Variants in CLEC12A observed in about 807,000 individuals in gnomAD.
CLEC12A encodes the protein C-type lectin domain family 12 member A, also known as C-type lectin protein CLL-1.
CLEC12A carries 22 observed loss-of-function variants against 26.5 expected under a neutral mutation model. The observed-to-expected ratio is 0.83, with a 90% CI of 0.59 to 1.19. The LOEUF is 1.19. Ranked by LOEUF, CLEC12A falls within the 50% of genes most tolerant of loss-of-function variation. The pLI is 0.00. For synonymous variants in CLEC12A, 119 were observed against 101.9 expected (o/e 1.17, Z -1.01); for missense variants, 353 against 315.6 (o/e 1.12, Z -0.90).
chr12:9,982,160 G>C, intron 5 of CLEC12A, 31 bp downstream of exon 5: 2 of 1,253,174 alleles, frequency 1.6e-6, no homozygotes, highest in Non-Finnish European at 2.3e-6. Context: ...GAATTTTATA[G>C]CTGGGTTTGA....
downstream of CLEC12A, chr12:9,996,785 G>T (rs550256768): frequency 8.6e-4 from 1,322 of 1,545,146 alleles, 1 homozygote; most frequent in Non-Finnish European, 1.1e-3. Context: ...AAAAGGTCAA[G>T]TGTTACATTT....
chr12:9,951,379 G>C, intron 1 of CLEC12A: 1 of 702,882 alleles, frequency 1.4e-6, no homozygotes, highest in South Asian at 1.5e-5. Flanking sequence ...TGTGGATACC[G>C]ACAGTGGGAA....
At chr12:9,998,429 TA>T (rs772997197), downstream of CLEC12A, 108 of 1,433,356 alleles carry the variant, frequency 7.5e-5, no homozygotes, top group Non-Finnish European at 8.6e-5. Context: ...ATGGGTTAGC[TA>T]TGGGGAAGGC....
At chr12:9,981,167 G>A (rs1864542685) in intron 4 of CLEC12A, among the ~76,000 whole-genome samples, 1 of 152,144 alleles carries the variant, frequency 6.6e-6, no homozygotes, top group Non-Finnish European at 1.5e-5. Context: ...GCAAGTTATA[G>A]TAGGTTAGCA....
At chr12:9,958,344 G>A (rs754677466) in intron 1 of CLEC12A, among the ~76,000 whole-genome samples, 10 of 152,328 alleles carry the variant, frequency 6.6e-5, no homozygotes, top group Middle Eastern at 3.4e-3. Context: ...CAAAAGAACA[G>A]CCTACTTGGT....
chr12:9,980,369 T>G (rs4764149), intron 3 of CLEC12A, among the ~76,000 whole-genome samples: 1 of 145,060 alleles, frequency 6.9e-6, no homozygotes, highest in Non-Finnish European at 1.5e-5. Context: ...ATCCAGGAGG[T>G]GGAGGCTGCT....
chr12:9,955,308 T>G (rs1188077500), intron 1 of CLEC12A, among the ~76,000 whole-genome samples: 1 of 152,122 alleles, frequency 6.6e-6, no homozygotes, highest in African/African-American at 2.4e-5. Context: ...AGGATGGTCT[T>G]GATCTCCTGA....
At chr12:9,984,645 A>G (rs1056404891) in intron 5 of CLEC12A, among the ~76,000 whole-genome samples, 2 of 152,230 alleles carry the variant, frequency 1.3e-5, no homozygotes, top group Non-Finnish European at 2.9e-5. Context: ...CAGATGTTAG[A>G]AAGTGGAAAA....
chr12:9,984,737 C>T, intron 5 of CLEC12A, 133 bp from the exon 6 acceptor site: 1 of 778,054 alleles, frequency 1.3e-6, no homozygotes, highest in Non-Finnish European at 1.8e-6. Flanking sequence ...ATACTCTGAA[C>T]ATTAAATTAG....
intron 1 of CLEC12A, among the ~76,000 whole-genome samples, chr12:9,962,795 G>C (rs1863858888): frequency 6.6e-6 from 1 of 152,206 alleles, no homozygotes; most frequent in Non-Finnish European, 1.5e-5. Context: ...ATGTGTATGT[G>C]CAGGTCACAG....
At chr12:9,983,360 A>C (rs1326385880) in intron 5 of CLEC12A, among the ~76,000 whole-genome samples, 1 of 152,196 alleles carries the variant, frequency 6.6e-6, no homozygotes, top group Non-Finnish European at 1.5e-5. Context: ...TATAGTATAG[A>C]TAAAATAATT....
At chr12:9,987,995 G>A (rs1864809206), downstream of CLEC12A, among the ~76,000 whole-genome samples, 1 of 151,978 alleles carries the variant, frequency 6.6e-6, no homozygotes, top group Non-Finnish European at 1.5e-5. Context: ...TTTTTGGGCT[G>A]TGGACTGTTG....
chr12:9,992,082 A>G (rs1166419583), intron 4 of CLEC12A: 2 of 152,266 alleles, frequency 1.3e-5, no homozygotes, highest in Non-Finnish European at 1.5e-5. Flanking sequence ...CCACTAGTTA[A>G]AAAAGGGAAG....
At chr12:9,965,616 A>G (rs144272996) in intron 1 of CLEC12A, among the ~76,000 whole-genome samples, 4,727 of 152,068 alleles carry the variant, frequency 0.031, 238 homozygotes, top group African/African-American at 0.11. Flanking sequence ...GAGTATATGG[A>G]TTTGGCACCA....
At chr12:9,987,169 C>T (rs543636256), downstream of CLEC12A, among the ~76,000 whole-genome samples, 9 of 152,192 alleles carry the variant, frequency 5.9e-5, no homozygotes, top group South Asian at 1.9e-3. Flanking sequence ...TACAAGCCAA[C>T]AGCTCATGAA....
At chr12:9,986,086 C>A (rs1354859158), downstream of CLEC12A, 1 of 454,422 alleles carries the variant, frequency 2.2e-6, no homozygotes, top group Admixed American at 2.4e-5. Flanking sequence ...AAATACAGAT[C>A]CCGGCCCAGT....
At chr12:9,994,910 G>A in intron 4 of CLEC12A, 3 of 1,119,600 alleles carry the variant, frequency 2.7e-6, no homozygotes, top group Non-Finnish European at 3.6e-6. Context: ...AAAAATGAAT[G>A]GGAATAATAT....
downstream of CLEC12A, among the ~76,000 whole-genome samples, chr12:9,998,575 T>C (rs1158891774): frequency 2.9e-5 from 4 of 138,960 alleles, no homozygotes; most frequent in African/African-American, 2.7e-5. Flanking sequence ...ACATCCATTC[T>C]CATCTCCAAT....
downstream of CLEC12A, chr12:9,997,295 AAAT>A (rs1408277679): frequency 3.1e-6 from 5 of 1,594,814 alleles, no homozygotes; most frequent in African/African-American, 6.8e-5. Context: ...TTTAAAAAGT[AAAT>A]AATAATAATT....
Sources: allele counts gnomAD v4.1 joint callset (sites outside exome capture counted in the v4.1 genomes callset), GRCh38; gene constraint gnomAD v4.1.1; transcripts MANE v1.5; gene names NCBI Gene and HGNC (gene_info 2026-07-23, HGNC 2026-07-21).